AGBL4: variants seen among roughly 807,000 people sequenced by gnomAD.
AGBL4 encodes AGBL carboxypeptidase 4.
In AGBL4, 58 loss-of-function variants were observed where a neutral mutation model predicts 66.4. That is an observed-to-expected ratio of 0.87 (90% CI 0.71 to 1.09). AGBL4 has a LOEUF of 1.09. Among genes scored for constraint, AGBL4 ranks in the 50% least tolerant of loss-of-function variants. The probability of loss-of-function intolerance (pLI) is 0.00; values close to 1 mark genes in which losing one functional copy is unlikely to be tolerated. For synonymous variants in AGBL4, 234 were observed against 222.9 expected, an observed-to-expected ratio of 1.05 and a Z score of -0.44; for missense variants, 579 against 631.0, an observed-to-expected ratio of 0.92 and a Z score of 0.88.
chr1:49,980,735 T>C (rs1414807889), intron 1 of AGBL4, among the ~76,000 whole-genome samples: 1 of 152,218 alleles, frequency 6.6e-6, no homozygotes, highest in Non-Finnish European at 1.5e-5. Flanking sequence ...AACATGAGTG[T>C]GCAAATATCT....
intron 3 of AGBL4, among the ~76,000 whole-genome samples, chr1:49,390,939 A>T (rs540082195): frequency 1.3e-5 from 2 of 152,200 alleles, no homozygotes; most frequent in African/African-American, 4.8e-5. Flanking sequence ...TGCAGTATCA[A>T]AAAGGCCCTT....
At chr1:49,557,024 G>A (rs895727558) in intron 3 of AGBL4, among the ~76,000 whole-genome samples, 5 of 152,022 alleles carry the variant, frequency 3.3e-5, no homozygotes, top group Admixed American at 2.6e-4. Context: ...CCCAGCCCTC[G>A]CTCACTCGGA....
intron 1 of AGBL4, among the ~76,000 whole-genome samples, chr1:49,947,113 AT>A (rs1380828858): frequency 6.6e-6 from 1 of 151,956 alleles, no homozygotes; most frequent in Non-Finnish European, 1.5e-5. Context: ...TCTATCAGAA[AT>A]TCAAAGAAGA....
At chr1:49,717,138 C>T (rs1312631790) in intron 2 of AGBL4, among the ~76,000 whole-genome samples, 4 of 152,046 alleles carry the variant, frequency 2.6e-5, no homozygotes, top group Admixed American at 6.6e-5. Flanking sequence ...CATTAATAGA[C>T]AAACAGAGAG....
At chr1:49,368,378 T>C (rs752476773) in intron 3 of AGBL4, among the ~76,000 whole-genome samples, 7 of 152,212 alleles carry the variant, frequency 4.6e-5, no homozygotes, top group Non-Finnish European at 1.0e-4. Context: ...CACCAGCAGT[T>C]TATGAGGTTA....
rs1352402311 is a variant in AGBL4, at chr1:48,886,777, T to A, written c.595-19547A>T. On this transcript the variant is annotated intron_variant, in intron 5 of 13. Transcript: ENST00000371839. The stretch of plus-strand genomic sequence containing the variant: ...CATGTTAACCAGGATGGTCTCGATC[T>A]CCAGACCTCGTGATCCGCCCGCCTC... Among the ~76,000 whole-genome samples the A allele has an allele frequency of 2.0e-5, 3 of 152,094 alleles. No individual in the cohort carries two copies. The East Asian group carries it at 5.8e-4, about 29-fold the overall frequency.
intron 4 of AGBL4, among the ~76,000 whole-genome samples, chr1:49,053,880 C>T (rs1038050847): frequency 4.6e-5 from 7 of 151,968 alleles, no homozygotes; most frequent in South Asian, 2.1e-4. Flanking sequence ...ATAACATGCC[C>T]GCATAAAAAT....
At chr1:49,790,125 T>A (rs1467892385) in intron 2 of AGBL4, among the ~76,000 whole-genome samples, 1 of 152,162 alleles carries the variant, frequency 6.6e-6, no homozygotes, top group East Asian at 1.9e-4. Flanking sequence ...ACGCCTGTAA[T>A]CCCAGCACTT....
chr1:48,904,258 G>A (rs1458179303), intron 5 of AGBL4, among the ~76,000 whole-genome samples: 2 of 152,184 alleles, frequency 1.3e-5, no homozygotes, highest in Non-Finnish European at 2.9e-5. Flanking sequence ...CAGCCTGGGT[G>A]AGAGAGACTC....
intron 3 of AGBL4, among the ~76,000 whole-genome samples, chr1:49,293,555 A>G (rs550736075): frequency 1.3e-5 from 2 of 152,302 alleles, no homozygotes; most frequent in African/African-American, 2.4e-5. Flanking sequence ...TTTCCAAAAA[A>G]TTTCCCACTA....
intron 5 of AGBL4, among the ~76,000 whole-genome samples, chr1:48,980,718 AATATAT>A (rs544711494): frequency 2.3e-4 from 21 of 92,300 alleles, no homozygotes; most frequent in East Asian, 1.2e-3. Context: ...GTAAAGAAGA[AATATAT>A]ATATATATAT....
At chr1:49,705,786 C>T (rs1463692858) in intron 2 of AGBL4, among the ~76,000 whole-genome samples, 1 of 151,900 alleles carries the variant, frequency 6.6e-6, no homozygotes, top group East Asian at 1.9e-4. Context: ...AGGCCTTTTG[C>T]ATCTATTGAT....
intron 6 of AGBL4, among the ~76,000 whole-genome samples, chr1:48,819,138 G>T (rs775183136): frequency 1.3e-5 from 2 of 152,168 alleles, no homozygotes; most frequent in African/African-American, 2.4e-5. Context: ...GTCAGTGAAG[G>T]CTTCCTAGAG....
At chr1:49,915,568 G>C (rs988781275) in intron 1 of AGBL4, among the ~76,000 whole-genome samples, 1 of 152,196 alleles carries the variant, frequency 6.6e-6, no homozygotes, top group African/African-American at 2.4e-5. Flanking sequence ...GGCTTGAGTA[G>C]GTAAACAAAG....
intron 9 of AGBL4, among the ~76,000 whole-genome samples, chr1:48,603,252 A>T (rs554763553): frequency 6.6e-6 from 1 of 152,036 alleles, no homozygotes; most frequent in East Asian, 2.0e-4. Context: ...CAGGTGGATC[A>T]TGAGGTCAGG....
intron 3 of AGBL4, among the ~76,000 whole-genome samples, chr1:49,287,287 C>A (rs1431222157): frequency 6.9e-6 from 1 of 143,894 alleles, no homozygotes; most frequent in African/African-American, 2.6e-5. Context: ...CATTACCATT[C>A]AGGACATAGG....
rs145271148 is a variant in AGBL4, at chr1:48,809,967, A to G, written c.634+57224T>C. 2.0e-5 allele frequency among the ~76,000 whole-genome samples: 3 copies of G among 152,254 alleles called. No homozygotes were observed. The East Asian group carries it at 5.8e-4, about 29-fold the overall frequency. ...TGGTATAAGAGCTAACCTATGCCCTATATTATGTTAAGTGCAGGAAATCTA... is the reference window on the plus strand; with the variant it reads ...TGGTATAAGAGCTAACCTATGCCCTGTATTATGTTAAGTGCAGGAAATCTA... On this transcript the variant is annotated intron_variant, in intron 6 of 13. Transcript: ENST00000371839.
intron 4 of AGBL4, among the ~76,000 whole-genome samples, chr1:49,216,006 T>C (rs1473690463): frequency 6.6e-6 from 1 of 152,148 alleles, no homozygotes; most frequent in African/African-American, 2.4e-5. Context: ...TGCAAGCATA[T>C]ACTGACTTCC....
chr1:49,315,439 T>C (rs1029781939), intron 3 of AGBL4, among the ~76,000 whole-genome samples: 1 of 151,962 alleles, frequency 6.6e-6, no homozygotes, highest in Non-Finnish European at 1.5e-5. Context: ...AAACAAACTA[T>C]CATCAGAGTG....
Sources: gnomAD v4.1 joint callset for allele counts (sites outside exome capture counted in the v4.1 genomes callset) on GRCh38, gnomAD v4.1.1 for gene constraint, MANE v1.5 for transcripts, NCBI Gene and HGNC (gene_info 2026-07-23, HGNC 2026-07-21) for gene names.